The following TRIO variants were observed in gnomAD, a reference collection of about 807,000 sequenced individuals.
TRIO encodes the protein triple functional domain protein.
Under a neutral mutation model 351.9 loss-of-function variants are expected in TRIO, and 58 were observed. That is an observed-to-expected ratio of 0.16 (90% CI 0.13 to 0.21). The LOEUF is 0.21. TRIO is among the 10% of genes least tolerant of loss of function. The pLI, the probability that TRIO is intolerant of heterozygous loss-of-function variation, is 1.00. For synonymous variants in TRIO, 1,758 were observed against 1,595.7 expected, an observed-to-expected ratio of 1.10 and a Z score of -2.42; for missense variants, 3,201 against 4,027.8, an observed-to-expected ratio of 0.79 and a Z score of 5.56.
chr5:14,146,485 C>T (rs1440312450), intron 1 of TRIO, among the ~76,000 whole-genome samples: 4 of 152,122 alleles, frequency 2.6e-5, no homozygotes, highest in East Asian at 3.8e-4. Context: ...TGCCCGCATT[C>T]GGCTTTGTCT....
chr5:14,272,066 C>T (rs1474473145), intron 2 of TRIO, among the ~76,000 whole-genome samples: 1 of 152,178 alleles, frequency 6.6e-6, no homozygotes, highest in Non-Finnish European at 1.5e-5. Flanking sequence ...CAAATACTGG[C>T]TTACAATACA....
rs1443063102 is a variant in TRIO, at chr5:14,295,777, G to A, written c.1177-1295G>A. Reference sequence around the variant, plus strand: ...TAGAGCGTTAATGCCACACGAGCCAGAGAGGTCACCTTGCTGAGCATGGCT... The same window carrying A: ...TAGAGCGTTAATGCCACACGAGCCAAAGAGGTCACCTTGCTGAGCATGGCT... On this transcript the variant is annotated intron_variant, in intron 6 of 56. Transcript: ENST00000344204. Among the ~76,000 whole-genome samples, 5 of 152,218 alleles carry A rather than the reference G, an allele frequency of 3.3e-5. No homozygotes were observed. In the South Asian group the frequency reaches 1.0e-3, roughly 32 times the overall value.
At position 14,270,835 on chromosome 5, in the gene TRIO, A is replaced by C; in HGVS notation, c.168A>C (p.Lys56Asn). ...IAAFFRSGFR[K>N]NDEMKAMDVL... ...CCTTCTGTATTTCAGGGTTTCGAAA[A>C]AACGATGAAATGAAAGCTATGGATG... Residue 56 changes from lysine (K) to asparagine (N), a missense_variant, in exon 2 of 57, where the codon AAA becomes AAC. This residue lies in a region of TRIO where 109 missense variants were observed against 134.6 expected (regional missense o/e 0.81). Transcript: ENST00000344204. The C allele has an allele frequency of 6.2e-7, 1 of 1,613,908 alleles. No individual in the cohort carries two copies.
chr5:14,482,559 TC>T (rs1755606481), intron 45 of TRIO, 22 bp from the exon 46 acceptor site: 1 of 1,421,020 alleles, frequency 7.0e-7, no homozygotes, highest in Non-Finnish European at 9.3e-7. Context: ...CCCTTCCTTT[TC>T]CCCCTTTATT....
At chr5:14,295,158 C>T (rs969751309) in intron 6 of TRIO, among the ~76,000 whole-genome samples, 1 of 152,080 alleles carries the variant, frequency 6.6e-6, no homozygotes, top group African/African-American at 2.4e-5. Context: ...CCCTTCTGCT[C>T]GCTATAGTGT....
At chr5:14,310,363 A>G (rs1561323009) in intron 8 of TRIO, among the ~76,000 whole-genome samples, 1 of 152,274 alleles carries the variant, frequency 6.6e-6, no homozygotes, top group African/African-American at 2.4e-5. Context: ...ACGGAGCACA[A>G]GCAAGGCGAA....
chr5:14,255,523 C>A (rs751644461), intron 1 of TRIO, among the ~76,000 whole-genome samples: 1 of 152,192 alleles, frequency 6.6e-6, no homozygotes, highest in East Asian at 1.9e-4. Context: ...AGGCAAGTCA[C>A]GGGAGAACGC....
intron 13 of TRIO, among the ~76,000 whole-genome samples, chr5:14,360,417 C>A (rs1744043973): frequency 6.6e-6 from 1 of 152,254 alleles, no homozygotes; most frequent in Non-Finnish European, 1.5e-5. Flanking sequence ...AGCCTGCTCT[C>A]CTGGAGTCTA....
At position 14,265,450 on chromosome 5, in the gene TRIO, T is replaced by A. The variant is rs116692139; in HGVS notation, c.158-5375T>A. Among the ~76,000 whole-genome samples, 1,345 of 152,340 alleles carry A rather than the reference T, an allele frequency of 8.8e-3. 13 individuals carry two copies. The highest frequency in any genetic ancestry group is 0.031 in the African/African-American group (1,283 of 41,580). On this transcript the variant is annotated intron_variant, in intron 1 of 56. Coordinates refer to ENST00000344204, the MANE Select transcript of TRIO (RefSeq NM_007118.4). The stretch of plus-strand genomic sequence containing the variant: ...AACCTATGTTTTACTTAAAAAATTT[T>A]AAAATTTGATTCATTTGATTCATCT...
chr5:14,391,776 G>C (rs1747104026), intron 27 of TRIO, among the ~76,000 whole-genome samples: 1 of 152,250 alleles, frequency 6.6e-6, no homozygotes, highest in Non-Finnish European at 1.5e-5. Context: ...GGGATCATCA[G>C]CTCTTATGTG....
chr5:14,412,554 G>A (rs988061744), intron 33 of TRIO, among the ~76,000 whole-genome samples: 1 of 152,122 alleles, frequency 6.6e-6, no homozygotes, highest in African/African-American at 2.4e-5. Context: ...AAGGCGTAGG[G>A]CTGCTCGGCC....
rs77520462 is a variant in TRIO, at chr5:14,401,927, C to T, written c.4716+863C>T. ...CCCTTGTGTCTCTTGCATGCTTTTTCATCTCTTTGGTATTTTCAGTGACTG... is the reference window on the plus strand; with the variant it reads ...CCCTTGTGTCTCTTGCATGCTTTTTTATCTCTTTGGTATTTTCAGTGACTG... On this transcript the variant is annotated intron_variant, in intron 31 of 56. Transcript: ENST00000344204. 8.3e-3 allele frequency among the ~76,000 whole-genome samples: 1,263 copies of T among 152,228 alleles called. 52 individuals are homozygous for T. The East Asian group carries it at 0.11, about 14-fold the overall frequency.
In TRIO at chr5:14,487,676, C is replaced by T. The variant is rs779844024; in HGVS notation, c.7048C>T (p.Pro2350Ser). 7.1e-6 allele frequency: 10 copies of T among 1,411,072 alleles called. No homozygotes were observed. The highest frequency in any genetic ancestry group is 4.7e-5 in the Admixed American group (2 of 42,596). 87.4% of individuals were successfully genotyped at this position (1,411,072 alleles called of 1,614,324 possible). Residue 2350 changes from proline to serine, a missense_variant, in exon 48 of 57, where the codon CCC becomes TCC. Around this residue, in one of 19 missense-constraint regions of TRIO, gnomAD observed 1,089 missense variants for 954.9 expected, o/e 1.14. Transcript: ENST00000344204. The stretch of plus-strand genomic sequence containing the variant: ...CCCCCAGCCTGTCCGACACCACCCC[C>T]CCGTGCTGGTCTCCTCTGCAGCCTC... ...RIPQPVRHHP[P>S]VLVSSAASSQ...
In TRIO at chr5:14,509,171, G is replaced by T. The variant is rs981248316; in HGVS notation, c.*749G>T. 2.8e-5 allele frequency: 7 copies of T among 252,600 alleles called. No individual in the cohort carries two copies. Among genetic ancestry groups the T allele is most frequent in the South Asian group, 1.4e-4 (4 of 27,652 alleles). 15.6% of individuals were successfully genotyped at this position (252,600 alleles called of 1,614,324 possible). A position where few individuals can be genotyped will look rare whatever the true frequency, so the allele number is the denominator to read the frequency against. On this transcript the variant is annotated 3_prime_UTR_variant, in exon 57 of 57. Coordinates refer to ENST00000344204, the MANE Select transcript of TRIO (RefSeq NM_007118.4). ...CCCCACTGCCCCTCCCCCTGTTCCT[G>T]CCCCAAGCCGTCAATCAGATTGTGG...
intron 1 of TRIO, among the ~76,000 whole-genome samples, chr5:14,166,658 G>A (rs553318239): frequency 7.9e-5 from 12 of 152,270 alleles, no homozygotes; most frequent in African/African-American, 1.2e-4. Flanking sequence ...AAGAACAAGC[G>A]CTTGCTGCAT....
intron 2 of TRIO, among the ~76,000 whole-genome samples, chr5:14,277,980 G>T (rs1001935743): frequency 6.6e-6 from 1 of 152,188 alleles, no homozygotes; most frequent in Admixed American, 6.5e-5. Context: ...TGATAAAATT[G>T]TAAAAATATC....
chr5:14,382,755 CTG>C (rs35611591), intron 21 of TRIO, among the ~76,000 whole-genome samples: 1 of 151,612 alleles, frequency 6.6e-6, no homozygotes, highest in Non-Finnish European at 1.5e-5. Flanking sequence ...GTGTGTGTGT[CTG>C]TGTGTGTGTT....
chr5:14,450,180 T>G (rs1319690718), intron 34 of TRIO, among the ~76,000 whole-genome samples: 1 of 152,212 alleles, frequency 6.6e-6, no homozygotes, highest in Non-Finnish European at 1.5e-5. Flanking sequence ...GCCTCATATC[T>G]CTAGGACTCC....
Position 14,387,491 on chromosome 5 carries a change from A to G in TRIO, c.3624A>G (p.Glu1208=). Residue 1208 remains glutamate, a synonymous_variant, in exon 22 of 57, where the codon GAA becomes GAG. Transcript: ENST00000344204. ...TACAGCTGGCTGATGGCTTTTGTGA[A>G]AAAGGGCATGCCCATGCGGCAGAGA... ...LLIQLADGFC[E]KGHAHAAEIK... is the part of the protein sequence containing the mutation. 2 of 1,614,060 alleles carry G rather than the reference A, an allele frequency of 1.2e-6. No homozygotes were observed. Among genetic ancestry groups the G allele is most frequent in the Non-Finnish European group, 1.7e-6 (2 of 1,179,968 alleles).
Sources: allele counts gnomAD v4.1 joint callset (sites outside exome capture counted in the v4.1 genomes callset), GRCh38; gene constraint gnomAD v4.1.1; regional missense constraint gnomAD v4.1.1; transcripts MANE v1.5; gene names NCBI Gene and HGNC (gene_info 2026-07-23, HGNC 2026-07-21).